Variants in SBF2 observed in about 807,000 individuals in gnomAD.
The protein encoded by SBF2 is SET binding factor 2.
Under a neutral mutation model 225.2 loss-of-function variants are expected in SBF2, and 112 were observed. That is an observed-to-expected ratio of 0.50 (90% CI 0.43 to 0.58). The LOEUF (loss-of-function observed/expected upper bound fraction) is 0.58. Ranked by LOEUF, SBF2 falls within the 20% of genes least tolerant of loss-of-function variation. The pLI is 0.00. For missense variants in SBF2, 1,996 were observed against 2,206.2 expected (o/e 0.90, Z 1.91); for synonymous variants, 763 against 773.3 (o/e 0.99, Z 0.22).
At chr11:10,105,681 C>G (rs992318772) in intron 2 of SBF2, among the ~76,000 whole-genome samples, 1 of 152,252 alleles carries the variant, frequency 6.6e-6, no homozygotes, top group African/African-American at 2.4e-5. Flanking sequence ...CACTTGCTCT[C>G]TTAGTCTTCT....
chr11:10,038,200 T>C (rs1041240843), intron 3 of SBF2, among the ~76,000 whole-genome samples: 1 of 152,002 alleles, frequency 6.6e-6, no homozygotes, highest in East Asian at 1.9e-4. Flanking sequence ...TATTTGGTCC[T>C]TGGAGACAGA....
intron 2 of SBF2, among the ~76,000 whole-genome samples, chr11:10,103,730 A>G (rs1057031150): frequency 5.3e-5 from 8 of 152,184 alleles, no homozygotes; most frequent in Non-Finnish European, 7.3e-5. Flanking sequence ...TCTCATGGAG[A>G]GCTGATATGT....
chr11:9,836,182 C>T (rs1055444212), intron 26 of SBF2, among the ~76,000 whole-genome samples: 2 of 152,088 alleles, frequency 1.3e-5, no homozygotes, highest in Admixed American at 6.5e-5. Flanking sequence ...AGAAATCTTT[C>T]CCTATACCTC....
At chr11:10,252,936 ATCT>A (rs1202194520) in intron 1 of SBF2, among the ~76,000 whole-genome samples, 8 of 152,040 alleles carry the variant, frequency 5.3e-5, no homozygotes, top group South Asian at 2.1e-4. Flanking sequence ...TTGTCTATAA[ATCT>A]TCTTCCACCA....
intron 28 of SBF2, among the ~76,000 whole-genome samples, chr11:9,829,100 C>A (rs1363729788): frequency 6.6e-6 from 1 of 152,040 alleles, no homozygotes; most frequent in Non-Finnish European, 1.5e-5. Context: ...CACAGTGAGA[C>A]CCCATCTCTT....
chr11:10,290,963 T>A (rs538218064), intron 1 of SBF2, among the ~76,000 whole-genome samples: 1 of 152,112 alleles, frequency 6.6e-6, no homozygotes, highest in African/African-American at 2.4e-5. Flanking sequence ...AAATGGCTGA[T>A]TACAGAACCA....
chr11:10,232,289 C>A (rs570052623), intron 1 of SBF2, among the ~76,000 whole-genome samples: 4 of 152,222 alleles, frequency 2.6e-5, no homozygotes, highest in African/African-American at 9.6e-5. Context: ...CTTCAGCTCA[C>A]GCTCGGTGCG....
chr11:10,039,397 C>A (rs1949565517), intron 3 of SBF2, among the ~76,000 whole-genome samples: 3 of 151,516 alleles, frequency 2.0e-5, no homozygotes, highest in African/African-American at 7.3e-5. Context: ...TCTTTTCCAC[C>A]AAGCCCAAAA....
chr11:10,207,889 T>C (rs1490235223), intron 1 of SBF2, among the ~76,000 whole-genome samples: 2 of 152,154 alleles, frequency 1.3e-5, no homozygotes, highest in Non-Finnish European at 2.9e-5. Flanking sequence ...GTAAATATGA[T>C]ATCCATTTCC....
intron 30 of SBF2, chr11:9,811,443 A>G (rs1242555308): frequency 6.6e-6 from 1 of 152,256 alleles, no homozygotes; most frequent in African/African-American, 2.4e-5. Context: ...CTTTTGGTAC[A>G]GGTCCACTTT....
At chr11:10,120,456 T>C (rs966701881) in intron 2 of SBF2, among the ~76,000 whole-genome samples, 1 of 152,232 alleles carries the variant, frequency 6.6e-6, no homozygotes, top group African/African-American at 2.4e-5. Flanking sequence ...GTGGAATTGT[T>C]GAATCATTCA....
At chr11:9,959,344 A>G in intron 16 of SBF2, 1 of 778,346 alleles carries the variant, frequency 1.3e-6, no homozygotes, top group South Asian at 1.3e-5. Flanking sequence ...CCTGGGGCTC[A>G]GGGAATCCAC....
At chr11:9,954,979 A>G (rs986457720) in intron 16 of SBF2, among the ~76,000 whole-genome samples, 3 of 152,106 alleles carry the variant, frequency 2.0e-5, no homozygotes, top group African/African-American at 7.2e-5. Flanking sequence ...TGTTAATTCT[A>G]TTCCTTTATC....
At chr11:10,147,520 A>T (rs1954947325) in intron 2 of SBF2, among the ~76,000 whole-genome samples, 1 of 152,148 alleles carries the variant, frequency 6.6e-6, no homozygotes, top group African/African-American at 2.4e-5. Context: ...AACGATGAGA[A>T]CCTATGGGCA....
intron 1 of SBF2, among the ~76,000 whole-genome samples, chr11:10,268,214 A>C (rs2920148): frequency 0.013 from 1,958 of 152,322 alleles, 41 homozygotes; most frequent in African/African-American, 0.036. Flanking sequence ...AACAAAGGAC[A>C]TAGTTTTACC....
intron 16 of SBF2, chr11:9,928,804 G>C (rs1484539957): frequency 4.8e-6 from 1 of 209,238 alleles, no homozygotes; most frequent in Non-Finnish European, 9.8e-6. Context: ...ATGTGGTTAT[G>C]TTTTATACAT....
At chr11:10,128,183 C>T (rs934154333) in intron 2 of SBF2, among the ~76,000 whole-genome samples, 3 of 152,214 alleles carry the variant, frequency 2.0e-5, no homozygotes, top group Middle Eastern at 3.4e-3. Flanking sequence ...GAAAATAATA[C>T]GATTAAACAC....
At chr11:10,154,097 T>C (rs1955353587) in intron 2 of SBF2, among the ~76,000 whole-genome samples, 1 of 152,102 alleles carries the variant, frequency 6.6e-6, no homozygotes, top group Non-Finnish European at 1.5e-5. Flanking sequence ...TTCAAGTTAA[T>C]TAGTGGAAGT....
chr11:10,132,411 G>A (rs1374417186), intron 2 of SBF2, among the ~76,000 whole-genome samples: 6 of 151,842 alleles, frequency 4.0e-5, no homozygotes, highest in East Asian at 2.0e-4. Context: ...TTAAGGTGGC[G>A]TGTCTGGAGT....
Sources: allele counts gnomAD v4.1 joint callset (sites outside exome capture counted in the v4.1 genomes callset), GRCh38; gene constraint gnomAD v4.1.1; transcripts MANE v1.5; gene names NCBI Gene and HGNC (gene_info 2026-07-23, HGNC 2026-07-21).